Variants in MYO18B observed in about 807,000 individuals in gnomAD.
The protein encoded by MYO18B is unconventional myosin-XVIIIb.
MYO18B carries 204 observed loss-of-function variants against 273.0 expected under a neutral mutation model. That is an observed-to-expected ratio of 0.75 (90% CI 0.67 to 0.84). The LOEUF (loss-of-function observed/expected upper bound fraction) is 0.84, where lower values mean the gene tolerates loss of function less well. Ranked by LOEUF, MYO18B falls within the 40% of genes least tolerant of loss-of-function variation. MYO18B has a pLI of 0.00. For synonymous variants in MYO18B, 1,330 were observed against 1,305.7 expected (o/e 1.02, Z -0.40); for missense variants, 3,212 against 3,287.6 (o/e 0.98, Z 0.56).
At chr22:26,045,343 A>G in the MYO18B span, among the ~76,000 whole-genome samples, 1 of 152,102 alleles carries the variant, frequency 6.6e-6, no homozygotes, top group Non-Finnish European at 1.5e-5. Flanking sequence ...ACAGACACGT[A>G]GATGGAGTTA....
chr22:26,060,624 T>C, the MYO18B span, among the ~76,000 whole-genome samples: 2 of 151,910 alleles, frequency 1.3e-5, no homozygotes, highest in African/African-American at 4.8e-5. Context: ...CATACACATA[T>C]ACACAAATAT....
At chr22:25,996,119 G>T (rs1933205672) in intron 40 of MYO18B, among the ~76,000 whole-genome samples, 1 of 152,212 alleles carries the variant, frequency 6.6e-6, no homozygotes, top group Non-Finnish European at 1.5e-5. Flanking sequence ...GCCAATTAGA[G>T]ATCTAATGGT....
At chr22:25,828,693 A>G (rs2089586581) in intron 14 of MYO18B, 83 bp from the exon 15 acceptor site, 2 of 1,400,236 alleles carry the variant, frequency 1.4e-6, no homozygotes, top group Admixed American at 1.9e-5. Flanking sequence ...TGGTTTTGAA[A>G]CCAGTTCTGC....
At chr22:26,017,346 T>TCCTTCCTTCCTTCCTC (rs1935440091) in intron 42 of MYO18B, among the ~76,000 whole-genome samples, 2 of 151,366 alleles carry the variant, frequency 1.3e-5, no homozygotes, top group African/African-American at 4.9e-5. Flanking sequence ...CCTTCTTCCT[T>TCCTTCCTTCCTTCCTC]CCTTCCTTCC....
Position 25,867,619 on chromosome 22 carries a change from ATTTC to A in MYO18B, c.3886-681_3886-678del, listed in dbSNP as rs143349723. 3.8e-4 allele frequency among the ~76,000 whole-genome samples: 57 copies of A among 150,792 alleles called. 1 individual carries two copies. In the South Asian group the frequency reaches 7.2e-3, roughly 19 times the overall value. On this transcript the variant is annotated intron_variant, in intron 21 of 43. Transcript: ENST00000335473. The stretch of plus-strand genomic sequence containing the variant: ...ATATAAATATCTCTTCAAGACCCTG[ATTTC>A]TTTCTTTCTTTCTTTCTTTTTTTTG...
chr22:25,824,058 G>A (rs2089393966), intron 13 of MYO18B, among the ~76,000 whole-genome samples: 2 of 152,212 alleles, frequency 1.3e-5, no homozygotes, highest in African/African-American at 4.8e-5. Flanking sequence ...CTGCTGCGAG[G>A]TGGAGGGATG....
At chr22:26,006,368 C>A in intron 42 of MYO18B, 2 of 193,176 alleles carry the variant, frequency 1.0e-5, no homozygotes, top group South Asian at 1.2e-4. Flanking sequence ...TCAATATTGC[C>A]AAAACAAAAA....
intron 7 of MYO18B, among the ~76,000 whole-genome samples, chr22:25,775,083 A>G (rs9613017): frequency 1 from 151,961 of 152,364 alleles, 75,781 homozygotes; most frequent in East Asian, 1. Flanking sequence ...GGGCCTGAGC[A>G]GGCTGATGGA....
At chr22:26,024,568 CACCAG>C (rs149998738) in intron 42 of MYO18B, among the ~76,000 whole-genome samples, 5,548 of 152,300 alleles carry the variant, frequency 0.036, 316 homozygotes, top group African/African-American at 0.12. Flanking sequence ...GTCTTACCGT[CACCAG>C]ACCGCTGCTG....
At chr22:26,034,994 G>A (rs931752617), downstream of MYO18B, among the ~76,000 whole-genome samples, 5 of 152,304 alleles carry the variant, frequency 3.3e-5, no homozygotes, top group East Asian at 3.9e-4. Context: ...TGTGGGGGAC[G>A]GGTAATATAC....
At chr22:25,981,863 G>A (rs2093151876) in intron 39 of MYO18B, among the ~76,000 whole-genome samples, 1 of 152,230 alleles carries the variant, frequency 6.6e-6, no homozygotes, top group South Asian at 2.1e-4. Flanking sequence ...AAGCAGCTCA[G>A]CGGGTGTATT....
At chr22:25,938,831 G>A (rs1449593628) in intron 34 of MYO18B, among the ~76,000 whole-genome samples, 1 of 152,144 alleles carries the variant, frequency 6.6e-6, no homozygotes, top group East Asian at 1.9e-4. Flanking sequence ...GAAGTGTTTG[G>A]TTTTGCTTTT....
At chr22:25,971,620 T>TC (rs2093036483) in intron 39 of MYO18B, among the ~76,000 whole-genome samples, 1 of 152,226 alleles carries the variant, frequency 6.6e-6, no homozygotes, top group Non-Finnish European at 1.5e-5. Context: ...TGTTGTCTGT[T>TC]CCTACCAGTG....
intron 24 of MYO18B, among the ~76,000 whole-genome samples, chr22:25,876,591 C>T (rs950771078): frequency 1.3e-5 from 2 of 152,144 alleles, no homozygotes; most frequent in Admixed American, 6.5e-5. Context: ...ACACTCACTA[C>T]TTAACCCAGA....
chr22:25,950,495 C>G (rs1435013183), intron 37 of MYO18B, 45 bp downstream of exon 37: 1 of 1,214,458 alleles, frequency 8.2e-7, no homozygotes, highest in South Asian at 1.4e-5. Context: ...TCAGGGTTTT[C>G]TTAGAGGGAC....
chr22:25,823,596 C>G lies in MYO18B; in HGVS notation c.2613C>G (p.Phe871Leu), dbSNP rs747957376. The change falls in exon 13 of 44, where the codon TTC (phenylalanine) becomes TTG (leucine). Residue 871 changes from phenylalanine to leucine, a missense_variant. Coordinates refer to ENST00000335473, the MANE Select transcript of MYO18B (RefSeq NM_032608.7). ...ATGAGGAGCTGAACACGGCCACCTTCAAGCACCACCTTCGACAGATCATCC... is the reference window on the plus strand; with the variant it reads ...ATGAGGAGCTGAACACGGCCACCTTGAAGCACCACCTTCGACAGATCATCC... Reference protein sequence around the residue: ...CEYEELNTATFKHHLRQIIQQ... With the variant: ...CEYEELNTATLKHHLRQIIQQ... The G allele has an allele frequency of 6.2e-7, 1 of 1,613,986 alleles. No homozygotes were observed. The highest frequency in any genetic ancestry group is 8.5e-7 in the Non-Finnish European group (1 of 1,179,890).
chr22:25,760,982 A>C lies in MYO18B; in HGVS notation c.-109-2A>C, dbSNP rs577817386. On this transcript the variant is annotated splice_acceptor_variant, in intron 1 of 43. Transcript: ENST00000335473. LOFTEE classifies it low-confidence loss of function (5UTR_SPLICE). ...TCTCCCCACTGTGTCCCTGTGTGTC[A>C]GTTCTGTGTCCATCTCATGTGCTGC... The C allele has an allele frequency of 2.5e-6, 3 of 1,183,842 alleles. No individual in the cohort carries two copies. The Admixed American group carries it at 5.1e-5, about 20-fold the overall frequency. The allele number at this position is 1,183,842 out of a possible 1,614,324, so 73.3% of individuals were successfully genotyped here.
At chr22:26,033,865 C>A (rs1157976100), downstream of MYO18B, among the ~76,000 whole-genome samples, 1 of 145,166 alleles carries the variant, frequency 6.9e-6, no homozygotes, top group Admixed American at 7.0e-5. Flanking sequence ...CTCTTCCTCC[C>A]TTCCTTCTTT....
chr22:25,777,908 A>G, intron 8 of MYO18B, 127 bp downstream of exon 8: 1 of 896,382 alleles, frequency 1.1e-6, no homozygotes, highest in East Asian at 2.9e-5. Flanking sequence ...TGCAGACCCC[A>G]TGCTTGCTAC....
Sources: gnomAD v4.1 joint callset for allele counts (sites outside exome capture counted in the v4.1 genomes callset) on GRCh38, gnomAD v4.1.1 for gene constraint, MANE v1.5 for transcripts, NCBI Gene and HGNC (gene_info 2026-07-23, HGNC 2026-07-21) for gene names.